TLN2: variants seen among roughly 807,000 people sequenced by gnomAD.
TLN2 encodes talin 2.
Under a neutral mutation model 294.7 loss-of-function variants are expected in TLN2, and 118 were observed. That is an observed-to-expected ratio of 0.40 (90% CI 0.34 to 0.47). The LOEUF (loss-of-function observed/expected upper bound fraction) is 0.47, where lower values mean the gene tolerates loss of function less well. Ranked by LOEUF, TLN2 falls within the 20% of genes least tolerant of loss-of-function variation. The pLI, the probability that TLN2 is intolerant of heterozygous loss-of-function variation, is 0.84. For synonymous variants in TLN2, 1,431 were observed against 1,304.5 expected, an observed-to-expected ratio of 1.10 and a Z score of -2.09; for missense variants, 3,083 against 3,282.2, an observed-to-expected ratio of 0.94 and a Z score of 1.48.
At chr15:62,723,877 T>C (rs2060292221) in intron 26 of TLN2, among the ~76,000 whole-genome samples, 1 of 151,734 alleles carries the variant, frequency 6.6e-6, no homozygotes, top group Admixed American at 6.6e-5. Flanking sequence ...GCATAAGGAT[T>C]AAGAGTTCAG....
At chr15:62,496,103 T>C (rs1253064163) in intron 1 of TLN2, among the ~76,000 whole-genome samples, 3 of 152,252 alleles carry the variant, frequency 2.0e-5, no homozygotes, top group Non-Finnish European at 2.9e-5. Flanking sequence ...CTACGCCAGA[T>C]GTCAGCCTGC....
chr15:62,398,190 A>G (rs530321912), intron 1 of TLN2, among the ~76,000 whole-genome samples: 3 of 152,254 alleles, frequency 2.0e-5, no homozygotes, highest in African/African-American at 7.2e-5. Flanking sequence ...TATTCTCATG[A>G]TAGTGAGTGA....
intron 3 of TLN2, among the ~76,000 whole-genome samples, chr15:62,638,859 T>C (rs916461840): frequency 3.3e-5 from 5 of 152,272 alleles, no homozygotes; most frequent in African/African-American, 9.6e-5. Context: ...TTGGTTCTTT[T>C]TTTGAGTTGT....
chr15:62,750,393 C>A lies in TLN2; in HGVS notation c.4120-9C>A. ...TGCTTGCTTTTTATGTTGTGTTCTT[C>A]TTCTGTAGACTGTGAAGGGGATGTT... On this transcript the variant is annotated splice_polypyrimidine_tract_variant and intron_variant, in intron 33 of 58. Coordinates refer to ENST00000636159, the MANE Select transcript of TLN2 (RefSeq NM_015059.3). The A allele has an allele frequency of 6.2e-7, 1 of 1,612,736 alleles. No individual in the cohort carries two copies. Among genetic ancestry groups the A allele is most frequent in the Non-Finnish European group, 8.5e-7 (1 of 1,178,766 alleles).
chr15:62,661,274 T>A (rs904875051), intron 9 of TLN2, among the ~76,000 whole-genome samples: 1 of 152,138 alleles, frequency 6.6e-6, no homozygotes, highest in Non-Finnish European at 1.5e-5. Flanking sequence ...AGAATGTTAG[T>A]ACACTATTTT....
At chr15:62,453,690 C>A (rs2036289186) in intron 1 of TLN2, 1 of 152,150 alleles carries the variant, frequency 6.6e-6, no homozygotes, top group South Asian at 2.1e-4. Flanking sequence ...TGAATCAGCC[C>A]CCTGTGTGAG....
chr15:62,653,004 AT>A (rs779892198), intron 6 of TLN2, among the ~76,000 whole-genome samples, 157 bp from the exon 7 acceptor site: 1 of 152,174 alleles, frequency 6.6e-6, no homozygotes, highest in Non-Finnish European at 1.5e-5. Flanking sequence ...AAGCTTCTTC[AT>A]TTAATTTGAT....
chr15:62,827,809 G>A (rs2068363872), intron 54 of TLN2: 2 of 152,162 alleles, frequency 1.3e-5, no homozygotes, highest in Admixed American at 1.3e-4. Flanking sequence ...CATCTCCTAT[G>A]AGTCAGCCAT....
intron 14 of TLN2, among the ~76,000 whole-genome samples, chr15:62,695,385 A>C (rs892757475): frequency 1.3e-5 from 2 of 152,150 alleles, no homozygotes; most frequent in African/African-American, 4.8e-5. Context: ...TTGCCTTGAT[A>C]AGACCCCACA....
In TLN2 at chr15:62,592,791, A is replaced by T. The variant is rs1251172710; in HGVS notation, c.-162+3029A>T. On this transcript the variant is annotated intron_variant, in intron 2 of 58. Transcript: ENST00000636159. ...TGAGACGGCCACGCTTTGCAGGAAT[A>T]AACATGATGCTTTAAAGAGTTACAT... 2.0e-5 allele frequency among the ~76,000 whole-genome samples: 3 copies of T among 152,244 alleles called. No individual in the cohort carries two copies. The South Asian group carries it at 6.2e-4, about 32-fold the overall frequency.
At chr15:62,771,809 G>A (rs1319901255) in intron 42 of TLN2, among the ~76,000 whole-genome samples, 2 of 152,218 alleles carry the variant, frequency 1.3e-5, no homozygotes, top group African/African-American at 4.8e-5. Flanking sequence ...TGGGCTGCAG[G>A]GTGACAGGTC....
intron 26 of TLN2, among the ~76,000 whole-genome samples, chr15:62,723,538 C>CTTTTTTT (rs555674609): frequency 9.3e-6 from 1 of 107,220 alleles, no homozygotes; most frequent in Non-Finnish European, 1.7e-5. Context: ...ACTGTGAAAA[C>CTTTTTTT]TTTTTTTTTT....
rs1334236262 is a variant in TLN2, at chr15:62,568,207, AGCAGGAGGGAGCG to A, written c.-237-21470_-237-21458del. On this transcript the variant is annotated intron_variant, in intron 1 of 58. Transcript: ENST00000636159. ...GTGGCTGGGGCTGGCAGGGCTGGGC[AGCAGGAGGGAGCG>A]GCAGGAGGGGAGGGGACAAACCTCC... is the stretch of plus-strand genomic sequence containing the variant. Among the ~76,000 whole-genome samples, 17 of 152,184 alleles carry A rather than the reference AGCAGGAGGGAGCG, an allele frequency of 1.1e-4. No individual in the cohort carries two copies. In the South Asian group the frequency reaches 3.5e-3, roughly 32 times the overall value.
intron 17 of TLN2, 46 bp downstream of exon 17, chr15:62,701,260 G>A (rs1448157596): frequency 1.4e-6 from 2 of 1,458,868 alleles, no homozygotes; most frequent in Non-Finnish European, 9.4e-7. Context: ...TTGTTTAAAA[G>A]CTGTGTTTTT....
intron 9 of TLN2, among the ~76,000 whole-genome samples, chr15:62,659,700 C>A (rs1488647008): frequency 6.6e-6 from 1 of 152,012 alleles, no homozygotes; most frequent in African/African-American, 2.4e-5. Context: ...GTACCTGTAC[C>A]CTTATTCAGA....
intron 1 of TLN2, among the ~76,000 whole-genome samples, chr15:62,407,580 T>C (rs770907351): frequency 1.6e-4 from 24 of 152,176 alleles, no homozygotes; most frequent in Non-Finnish European, 3.2e-4. Flanking sequence ...ATTTGATTTT[T>C]GTTAGCTGGC....
At chr15:62,675,120 A>G in intron 10 of TLN2, 97 bp from the exon 11 acceptor site, 1 of 1,092,576 alleles carries the variant, frequency 9.2e-7, no homozygotes, top group South Asian at 1.4e-5. Flanking sequence ...GATCATTCCT[A>G]GCCATTTATC....
chr15:62,623,905 C>T (rs748047615), intron 3 of TLN2, among the ~76,000 whole-genome samples: 2 of 152,224 alleles, frequency 1.3e-5, no homozygotes, highest in Non-Finnish European at 2.9e-5. Flanking sequence ...ATCAAACTCA[C>T]TGCTGATGTC....
chr15:62,513,205 CCAGCCA>C (rs914071611), intron 1 of TLN2, among the ~76,000 whole-genome samples: 28 of 152,192 alleles, frequency 1.8e-4, no homozygotes, highest in Non-Finnish European at 7.3e-5. Flanking sequence ...CCGACATGGT[CCAGCCA>C]CAGCCCCCTC....
Sources: allele counts gnomAD v4.1 joint callset (sites outside exome capture counted in the v4.1 genomes callset), GRCh38; gene constraint gnomAD v4.1.1; transcripts MANE v1.5; gene names NCBI Gene and HGNC (gene_info 2026-07-23, HGNC 2026-07-21).